TIGIT: variants seen among roughly 807,000 people sequenced by gnomAD.
The protein encoded by TIGIT is T-cell immunoreceptor with Ig and ITIM domains.
Under a neutral mutation model 19.6 loss-of-function variants are expected in TIGIT, and 11 were observed. The ratio of observed to expected loss-of-function variants is 0.56; its 90% CI spans 0.35 to 0.93. TIGIT has a LOEUF of 0.93. Ranked by LOEUF, TIGIT falls within the 40% of genes least tolerant of loss-of-function variation. TIGIT has a pLI of 0.01. For synonymous variants in TIGIT, 130 were observed against 125.5 expected, an observed-to-expected ratio of 1.04 and a Z score of -0.24; for missense variants, 295 against 303.9, an observed-to-expected ratio of 0.97 and a Z score of 0.22.
chr3:114,304,705 A>T (rs1037076732), intron 3 of TIGIT, among the ~76,000 whole-genome samples: 4 of 152,102 alleles, frequency 2.6e-5, no homozygotes, highest in Admixed American at 6.6e-5. Context: ...TATCCTAATT[A>T]CGGGCCTGAT....
intron 3 of TIGIT, among the ~76,000 whole-genome samples, chr3:114,307,242 A>T (rs899623740): frequency 1.3e-5 from 2 of 152,206 alleles, no homozygotes; most frequent in Admixed American, 1.3e-4. Flanking sequence ...GTGGGTCATC[A>T]GGTGATGATG....
intron 3 of TIGIT, among the ~76,000 whole-genome samples, chr3:114,303,990 C>T (rs932968291): frequency 1.1e-4 from 16 of 152,052 alleles, no homozygotes; most frequent in African/African-American, 3.4e-4. Context: ...TTTTGATTTG[C>T]GTTTCCCTGA....
intron 3 of TIGIT, among the ~76,000 whole-genome samples, chr3:114,305,954 G>C (rs1191132196): frequency 6.6e-6 from 1 of 152,090 alleles, no homozygotes; most frequent in Admixed American, 6.5e-5. Flanking sequence ...TGTAAAGGCT[G>C]AGAAGTCTCA....
At chr3:114,294,275 T>G (rs1262832102) in intron 1 of TIGIT, among the ~76,000 whole-genome samples, 153 bp downstream of exon 1, 1 of 152,172 alleles carries the variant, frequency 6.6e-6, no homozygotes, top group Non-Finnish European at 1.5e-5. Flanking sequence ...GTACTCTTAT[T>G]TAAGAAAGGA....
At chr3:114,299,485 C>G in intron 2 of TIGIT, 112 bp from the exon 3 acceptor site, 1 of 748,282 alleles carries the variant, frequency 1.3e-6, no homozygotes, top group Non-Finnish European at 2.3e-6. Flanking sequence ...CCCATGGTTA[C>G]ACAAAGGGCT....
intron 3 of TIGIT, among the ~76,000 whole-genome samples, chr3:114,303,775 A>T (rs900690528): frequency 6.6e-6 from 1 of 151,932 alleles, no homozygotes; most frequent in Non-Finnish European, 1.5e-5. Flanking sequence ...CTCTGGATAG[A>T]TACCCAGTAG....
rs1163731359 is a variant in TIGIT at position 114,309,026 on chromosome 3, A to T, written c.*895A>T. ...CCTCTTCCGGCCGTGTGTGCTGGGG[A>T]AGCCCCAGGAAACGCACATGCCCAC... On this transcript the variant is annotated 3_prime_UTR_variant, in exon 4 of 4. Transcript: ENST00000383671. 1.3e-5 allele frequency: 2 copies of T among 152,182 alleles called. No homozygotes were observed. The highest frequency in any genetic ancestry group is 4.8e-5 in the African/African-American group (2 of 41,406). 9.4% of individuals were successfully genotyped at this position (152,182 alleles called of 1,614,324 possible).
At chr3:114,303,157 A>G (rs1014636877) in intron 3 of TIGIT, among the ~76,000 whole-genome samples, 3 of 151,486 alleles carry the variant, frequency 2.0e-5, no homozygotes, top group Admixed American at 2.0e-4. Context: ...TTTTATTTCA[A>G]TAGGTTTTTG....
In TIGIT at chr3:114,295,634, A is replaced by T. The variant is rs1277935363; in HGVS notation, c.151A>T (p.Thr51Ser). The T allele has an allele frequency of 1.2e-6, 2 of 1,614,180 alleles. No homozygotes were observed. Among genetic ancestry groups the T allele is most frequent in the Non-Finnish European group, 1.7e-6 (2 of 1,180,036 alleles). Residue 51 changes from threonine (T) to serine (S), a missense_variant, in exon 2 of 4, where the codon ACG becomes TCG. Thr to Ser is a moderately conservative substitution (Grantham distance 58, BLOSUM62 1). Coordinates refer to ENST00000383671, the MANE Select transcript of TIGIT (RefSeq NM_173799.4). ...IILQCHLSST[T>S]AQVTQVNWEQ... ...CTTACAATGTCACCTCTCCTCCACC[A>T]CGGCACAAGTGACCCAGGTCAACTG...
At chr3:114,300,463 A>G (rs1264233137) in intron 3 of TIGIT, among the ~76,000 whole-genome samples, 1 of 152,196 alleles carries the variant, frequency 6.6e-6, no homozygotes, top group African/African-American at 2.4e-5. Flanking sequence ...TGTGGCTGAA[A>G]GAGTAATGAA....
intron 2 of TIGIT, among the ~76,000 whole-genome samples, chr3:114,297,918 G>A (rs1330497811): frequency 6.6e-6 from 1 of 152,178 alleles, no homozygotes; most frequent in South Asian, 2.1e-4. Context: ...CTTCCCTCTT[G>A]TTTCCCAAGT....
Position 114,308,230 on chromosome 3 carries a change from T to C in TIGIT, c.*99T>C. 1.2e-6 allele frequency: 1 copy of C among 832,082 alleles called. No individual in the cohort carries two copies. The highest frequency in any genetic ancestry group is 2.0e-6 in the Non-Finnish European group (1 of 502,964). The allele number at this position is 832,082 out of a possible 1,614,324, so 51.5% of individuals were successfully genotyped here. On this transcript the variant is annotated 3_prime_UTR_variant, in exon 4 of 4. Coordinates refer to ENST00000383671, the MANE Select transcript of TIGIT (RefSeq NM_173799.4). ...TCCATCAGTGCTGCGTGTGTGTGTGTGTGTGTATGTGTGTGTGTGTTCAGT... is the reference window on the plus strand; with the variant it reads ...TCCATCAGTGCTGCGTGTGTGTGTGCGTGTGTATGTGTGTGTGTGTTCAGT...
chr3:114,301,840 G>C (rs1301965455), intron 3 of TIGIT, among the ~76,000 whole-genome samples: 1 of 152,170 alleles, frequency 6.6e-6, no homozygotes, highest in African/African-American at 2.4e-5. Flanking sequence ...TCAGTCTTCT[G>C]TCTCTCTCTC....
intron 3 of TIGIT, among the ~76,000 whole-genome samples, chr3:114,303,551 G>GTATATATATATATACATATATATGTA (rs1236072928): frequency 5.2e-4 from 3 of 5,752 alleles, no homozygotes; most frequent in African/African-American, 9.6e-4. Flanking sequence ...ACATATATAT[G>GTATATATATATATACATATATATGTA]TATATATATA....
In TIGIT at chr3:114,309,747, C is replaced by T. The variant is rs2078559751; in HGVS notation, c.*1616C>T. Reference sequence around the variant, plus strand: ...TAGTGCAAATCTGTTGGAAATAGAACACAATTCACAAATTGGAAGTGAACT... The same window carrying T: ...TAGTGCAAATCTGTTGGAAATAGAATACAATTCACAAATTGGAAGTGAACT... On this transcript the variant is annotated 3_prime_UTR_variant, in exon 4 of 4. Coordinates refer to ENST00000383671, the MANE Select transcript of TIGIT (RefSeq NM_173799.4). The T allele has an allele frequency of 6.6e-6, 1 of 152,056 alleles. No individual in the cohort carries two copies. Among genetic ancestry groups the T allele is most frequent in the African/African-American group, 2.4e-5 (1 of 41,396 alleles). 9.4% of individuals were successfully genotyped at this position (152,056 alleles called of 1,614,324 possible). A position where few individuals can be genotyped will look rare whatever the true frequency, so the allele number is the denominator to read the frequency against.
intron 3 of TIGIT, 69 bp downstream of exon 3, chr3:114,299,772 C>A: frequency 1.0e-6 from 1 of 998,756 alleles, no homozygotes; most frequent in African/African-American, 1.6e-5. Flanking sequence ...CTTTCAGGTT[C>A]TCTTTCCACC....
rs141356482 is a variant in TIGIT at position 114,301,854 on chromosome 3, G to T, written c.498+2151G>T. Among the ~76,000 whole-genome samples, 813 of 152,220 alleles carry T rather than the reference G, an allele frequency of 5.3e-3. 8 individuals are homozygous for T. Among genetic ancestry groups the T allele is most frequent in the African/African-American group, 0.018 (752 of 41,510 alleles). On this transcript the variant is annotated intron_variant, in intron 3 of 3. Coordinates refer to ENST00000383671, the MANE Select transcript of TIGIT (RefSeq NM_173799.4). ...GTCAGTCTTCTGTCTCTCTCTCCTTGCTCAAAGCATTTTATAGTTGCATTA... is the reference window on the plus strand; with the variant it reads ...GTCAGTCTTCTGTCTCTCTCTCCTTTCTCAAAGCATTTTATAGTTGCATTA...
At chr3:114,295,158 CG>C in intron 1 of TIGIT, 1 of 227,144 alleles carries the variant, frequency 4.4e-6, no homozygotes, top group South Asian at 6.8e-5. Flanking sequence ...TTCTAGGAGG[CG>C]GGGAGGGAGT....
intron 2 of TIGIT, among the ~76,000 whole-genome samples, chr3:114,298,657 C>T (rs1385830677): frequency 6.6e-6 from 1 of 152,244 alleles, no homozygotes; most frequent in Non-Finnish European, 1.5e-5. Flanking sequence ...CTGAGTCCCT[C>T]AAGGCAGGAG....
Sources: allele counts gnomAD v4.1 joint callset (sites outside exome capture counted in the v4.1 genomes callset), GRCh38; gene constraint gnomAD v4.1.1; transcripts MANE v1.5; gene names NCBI Gene and HGNC (gene_info 2026-07-23, HGNC 2026-07-21).